The following PPARG variants were observed in gnomAD, a reference collection of about 807,000 sequenced individuals.
The protein encoded by PPARG is peroxisome proliferator activated receptor gamma.
Under a neutral mutation model 39.2 loss-of-function variants are expected in PPARG, and 17 were observed. That is an observed-to-expected ratio of 0.43 (90% CI 0.30 to 0.65). PPARG has a LOEUF of 0.65. Among genes scored for constraint, PPARG ranks in the 30% least tolerant of loss-of-function variants. PPARG has a pLI of 0.13. For synonymous variants in PPARG, 223 were observed against 215.7 expected (o/e 1.03, Z -0.30); for missense variants, 406 against 585.9 (o/e 0.69, Z 3.17).
rs560312970 is a variant in PPARG, at chr3:12,316,203, G to A, written c.-9+3750G>A. Reference sequence around the variant, plus strand: ...GTTAGGAGCAGGTACGTACTTTGGCGTCTGAAAATGAGCGGTCTAAATTCA... The same window carrying A: ...GTTAGGAGCAGGTACGTACTTTGGCATCTGAAAATGAGCGGTCTAAATTCA... On this transcript the variant is annotated intron_variant, in intron 2 of 7. Transcript: ENST00000651735. Among the ~76,000 whole-genome samples, 21 of 152,274 alleles carry A rather than the reference G, an allele frequency of 1.4e-4. No individual in the cohort carries two copies. In the East Asian group the frequency reaches 2.9e-3, roughly 21 times the overall value.
At chr3:12,366,243 A>G (rs2125131379) in intron 2 of PPARG, among the ~76,000 whole-genome samples, 1 of 152,132 alleles carries the variant, frequency 6.6e-6, no homozygotes, top group East Asian at 1.9e-4. Flanking sequence ...TCGCTTGTTC[A>G]TTGCTGGTAT....
At chr3:12,365,503 G>A (rs1320759281) in intron 2 of PPARG, among the ~76,000 whole-genome samples, 1 of 151,832 alleles carries the variant, frequency 6.6e-6, no homozygotes, top group East Asian at 1.9e-4. Flanking sequence ...GAGTTTTATA[G>A]TTTTGTACTT....
At chr3:12,348,055 A>C (rs1467606455) in intron 2 of PPARG, among the ~76,000 whole-genome samples, 1 of 152,356 alleles carries the variant, frequency 6.6e-6, no homozygotes, top group African/African-American at 2.4e-5. Context: ...AAGCAATTTT[A>C]AAAATTCATA....
intron 2 of PPARG, among the ~76,000 whole-genome samples, chr3:12,365,663 T>C (rs1039702638): frequency 3.3e-5 from 5 of 152,102 alleles, no homozygotes; most frequent in African/African-American, 4.8e-5. Context: ...AAGACTGTCT[T>C]TGCTCCAGTG....
chr3:12,333,144 AAAACAAAC>A (rs145389985), intron 2 of PPARG, among the ~76,000 whole-genome samples: 2 of 152,248 alleles, frequency 1.3e-5, no homozygotes, highest in Admixed American at 1.3e-4. Context: ...GGGCCTTGTA[AAAACAAAC>A]AAACAAACAA....
intron 7 of PPARG, among the ~76,000 whole-genome samples, chr3:12,421,471 A>G (rs2051258498): frequency 6.6e-6 from 1 of 152,322 alleles, no homozygotes; most frequent in South Asian, 2.1e-4. Context: ...AGCCAAGCGT[A>G]AAGCTCAGTG....
At chr3:12,349,225 T>C (rs1396570959) in intron 2 of PPARG, among the ~76,000 whole-genome samples, 1 of 152,190 alleles carries the variant, frequency 6.6e-6, no homozygotes, top group Non-Finnish European at 1.5e-5. Flanking sequence ...TTAGTAGGTA[T>C]TTGATGAATG....
At chr3:12,299,128 C>G (rs377355479) in intron 1 of PPARG, among the ~76,000 whole-genome samples, 1 of 152,148 alleles carries the variant, frequency 6.6e-6, no homozygotes, top group African/African-American at 2.4e-5. Flanking sequence ...AGCCACGCGC[C>G]CAGCCTGAAG....
At chr3:12,308,217 A>G (rs1195928919) in intron 1 of PPARG, among the ~76,000 whole-genome samples, 2 of 151,876 alleles carry the variant, frequency 1.3e-5, no homozygotes, top group Non-Finnish European at 2.9e-5. Context: ...GATGGCGCAC[A>G]CATGTAGTCC....
In PPARG at chr3:12,382,118, C is replaced by T. The variant is rs146967168; in HGVS notation, c.390+627C>T. Among the ~76,000 whole-genome samples the T allele has an allele frequency of 2.6e-4, 40 of 152,082 alleles. 1 individual carries two copies. In the East Asian group the frequency reaches 6.8e-3, roughly 26 times the overall value. On this transcript the variant is annotated intron_variant, in intron 4 of 7. Transcript: ENST00000651735. ...GGTCATCCCTTAGTAAGTGGCAGACCGCAGTCTAGACCCTGACTCCTTAGG... is the reference window on the plus strand; with the variant it reads ...GGTCATCCCTTAGTAAGTGGCAGACTGCAGTCTAGACCCTGACTCCTTAGG...
At chr3:12,410,926 C>T (rs1283715228) in intron 6 of PPARG, among the ~76,000 whole-genome samples, 1 of 152,108 alleles carries the variant, frequency 6.6e-6, no homozygotes, top group Non-Finnish European at 1.5e-5. Context: ...ATTTGCTCCC[C>T]AAAGGAAAGA....
chr3:12,423,052 A>G (rs970731002), intron 7 of PPARG, among the ~76,000 whole-genome samples: 4 of 152,160 alleles, frequency 2.6e-5, no homozygotes, highest in African/African-American at 4.8e-5. Context: ...TGATAGAGCT[A>G]AAGACTAGTG....
At chr3:12,410,710 G>A (rs1318662614) in intron 6 of PPARG, among the ~76,000 whole-genome samples, 1 of 152,122 alleles carries the variant, frequency 6.6e-6, no homozygotes, top group Non-Finnish European at 1.5e-5. Flanking sequence ...AACTAGTGAA[G>A]AATAAAATCA....
chr3:12,366,263 C>T (rs1319423911), intron 2 of PPARG, among the ~76,000 whole-genome samples: 4 of 151,808 alleles, frequency 2.6e-5, no homozygotes, highest in Admixed American at 2.0e-4. Context: ...TATAGGAAAG[C>T]ATTATGACTT....
At chr3:12,392,831 A>G in intron 5 of PPARG, 79 bp downstream of exon 5, 1 of 1,550,686 alleles carries the variant, frequency 6.4e-7, no homozygotes, top group Non-Finnish European at 8.9e-7. Flanking sequence ...GCCATTGCCA[A>G]AAATGTGTAC....
chr3:12,327,051 A>T (rs566996087), intron 2 of PPARG, among the ~76,000 whole-genome samples: 8 of 152,292 alleles, frequency 5.3e-5, no homozygotes, highest in Admixed American at 1.3e-4. Flanking sequence ...AGTATATTTT[A>T]AAAGAATGAC....
At chr3:12,417,193 G>A in intron 7 of PPARG, 39 bp downstream of exon 7, 1 of 1,599,706 alleles carries the variant, frequency 6.3e-7, no homozygotes, top group Non-Finnish European at 8.5e-7. Context: ...AAGAGGGTGG[G>A]ATGATGGTGG....
chr3:12,404,355 G>A (rs1052254430), intron 5 of PPARG, among the ~76,000 whole-genome samples: 3 of 152,152 alleles, frequency 2.0e-5, no homozygotes, highest in African/African-American at 7.2e-5. Flanking sequence ...TAGGGTCAAT[G>A]GAAATGAATT....
intron 2 of PPARG, among the ~76,000 whole-genome samples, chr3:12,369,036 C>T (rs1189546797): frequency 1.3e-5 from 2 of 152,110 alleles, no homozygotes; most frequent in Non-Finnish European, 2.9e-5. Flanking sequence ...TGAATTTTAG[C>T]TTAATTTTTA....
Sources: gnomAD v4.1 joint callset for allele counts (sites outside exome capture counted in the v4.1 genomes callset) on GRCh38, gnomAD v4.1.1 for gene constraint, MANE v1.5 for transcripts, NCBI Gene and HGNC (gene_info 2026-07-23, HGNC 2026-07-21) for gene names.